Variants in PDLIM5 observed in about 807,000 individuals in gnomAD.
PDLIM5 encodes the protein PDZ and LIM domain protein 5.
A neutral mutation model predicts 64.2 loss-of-function variants in PDLIM5; 34 were observed. The ratio of observed to expected loss-of-function variants is 0.53; its 90% CI spans 0.40 to 0.71. The LOEUF is 0.71. Among genes scored for constraint, PDLIM5 ranks in the 30% least tolerant of loss-of-function variants. The pLI is 0.00. For missense variants in PDLIM5, 683 were observed against 733.6 expected, an observed-to-expected ratio of 0.93 and a Z score of 0.80; for synonymous variants, 253 against 269.1, an observed-to-expected ratio of 0.94 and a Z score of 0.59.
chr4:94,619,900 G>A (rs1410212484), intron 8 of PDLIM5, among the ~76,000 whole-genome samples: 1 of 152,140 alleles, frequency 6.6e-6, no homozygotes, highest in Non-Finnish European at 1.5e-5. Flanking sequence ...TGGGATTACA[G>A]GTGTGAGCTC....
At chr4:94,624,148 A>C (rs1671841488) in intron 8 of PDLIM5, among the ~76,000 whole-genome samples, 1 of 151,372 alleles carries the variant, frequency 6.6e-6, no homozygotes, top group South Asian at 2.1e-4. Flanking sequence ...CCATCTCCAC[A>C]AATTAAAAAA....
At chr4:94,650,929 A>G in intron 9 of PDLIM5, among the ~76,000 whole-genome samples, 1 of 151,762 alleles carries the variant, frequency 6.6e-6, no homozygotes, top group Non-Finnish European at 1.5e-5. Context: ...CTCTCCCTCC[A>G]TTTGTCAGTC....
rs1351386810 is a variant in PDLIM5, at chr4:94,504,293, C to CTT, written c.97-19419_97-19418dup. On this transcript the variant is annotated intron_variant, in intron 2 of 12. Transcript: ENST00000317968. ...CAGAACTTCATGGTTGTGCGACTTT[C>CTT]TTTTTTTTTTTTTGAGACAGAGTGT... is the stretch of plus-strand genomic sequence containing the variant. Among the ~76,000 whole-genome samples, 788 of 143,478 alleles carry CTT rather than the reference C, an allele frequency of 5.5e-3. 5 individuals are homozygous for CTT. Among genetic ancestry groups the CTT allele is most frequent in the African/African-American group, 0.019 (731 of 39,456 alleles). 94.1% of individuals were successfully genotyped at this position (143,478 alleles called of 152,430 possible). A position where few individuals can be genotyped will look rare whatever the true frequency, so the allele number is the denominator to read the frequency against.
intron 2 of PDLIM5, among the ~76,000 whole-genome samples, chr4:94,469,240 CAAAAA>C (rs200813961): frequency 1.3e-5 from 2 of 150,882 alleles, no homozygotes; most frequent in African/African-American, 4.9e-5. Flanking sequence ...AACTCACACA[CAAAAA>C]AAACAAAAAA....
chr4:94,489,382 C>T (rs72876222), intron 2 of PDLIM5, among the ~76,000 whole-genome samples: 2,325 of 152,108 alleles, frequency 0.015, 59 homozygotes, highest in African/African-American at 0.053. Flanking sequence ...TTTGGATAGA[C>T]ACTTGTATTT....
chr4:94,585,245 C>T (rs2110312186), intron 5 of PDLIM5, among the ~76,000 whole-genome samples: 1 of 152,166 alleles, frequency 6.6e-6, no homozygotes, highest in South Asian at 2.1e-4. Flanking sequence ...CACGTGCCAC[C>T]ATTCCCAGCT....
At chr4:94,512,104 T>A (rs1166203097) in intron 2 of PDLIM5, among the ~76,000 whole-genome samples, 1 of 152,092 alleles carries the variant, frequency 6.6e-6, no homozygotes, top group East Asian at 1.9e-4. Flanking sequence ...CACTGCAACG[T>A]CCACCTCCCA....
chr4:94,659,782 C>T (rs1742529924), intron 11 of PDLIM5, among the ~76,000 whole-genome samples: 1 of 151,838 alleles, frequency 6.6e-6, no homozygotes, highest in Admixed American at 6.6e-5. Flanking sequence ...TCCACCTCAG[C>T]CTCCCAAAGT....
chr4:94,455,838 G>C (rs1037833999), intron 2 of PDLIM5: 1 of 1,432,396 alleles, frequency 7.0e-7, no homozygotes, highest in African/African-American at 1.4e-5. Flanking sequence ...TGGTGGAGGT[G>C]ATAGCCAACA....
At position 94,455,322 on chromosome 4, in the gene PDLIM5, G is replaced by T. The variant is rs1216849309; in HGVS notation, c.34G>T (p.Ala12Ser). 6.2e-7 allele frequency: 1 copy of T among 1,613,586 alleles called. No homozygotes were observed. The highest frequency in any genetic ancestry group is 1.1e-5 in the South Asian group (1 of 91,068). ...CTACAGTGTGTCACTGGTTGGCCCA[G>T]CTCCTTGGGGTTTCCGGCTGCAGGG... ...SNYSVSLVGP[A>S]PWGFRLQGGK... Residue 12 changes from alanine to serine, a missense_variant, in exon 2 of 13, where the codon GCT (alanine) becomes TCT (serine). Physicochemically the swap from Ala to Ser is moderately conservative, Grantham distance 99. Transcript: ENST00000317968.
rs375604978 is a variant in PDLIM5, at chr4:94,585,540, A to T, written c.711-25A>T. On this transcript the variant is annotated intron_variant, in intron 5 of 12. Coordinates refer to ENST00000317968, the MANE Select transcript of PDLIM5 (RefSeq NM_006457.5). ...TTTTAATATAACTTTACAATTTTTA[A>T]TTTTTTTTTTCTCCTTAACCCTAGC... 70 of 1,362,436 alleles carry T rather than the reference A, an allele frequency of 5.1e-5. No homozygotes were observed. The African/African-American group carries it at 7.3e-4, about 14-fold the overall frequency. 84.4% of individuals were successfully genotyped at this position (1,362,436 alleles called of 1,614,324 possible).
At chr4:94,645,888 G>A (rs890342878) in intron 9 of PDLIM5, among the ~76,000 whole-genome samples, 1 of 152,146 alleles carries the variant, frequency 6.6e-6, no homozygotes, top group Non-Finnish European at 1.5e-5. Context: ...CTATGGCAGT[G>A]TACTTTTATT....
At chr4:94,532,973 A>G (rs913250970) in intron 3 of PDLIM5, among the ~76,000 whole-genome samples, 7 of 152,248 alleles carry the variant, frequency 4.6e-5, no homozygotes, top group Admixed American at 2.6e-4. Context: ...ACTGCACTCC[A>G]GACTGGGCGA....
At chr4:94,558,064 A>G (rs573056958) in intron 3 of PDLIM5, among the ~76,000 whole-genome samples, 1 of 152,270 alleles carries the variant, frequency 6.6e-6, no homozygotes, top group South Asian at 2.1e-4. Flanking sequence ...AGCTCTTATT[A>G]TTTTGAGATA....
chr4:94,632,277 T>C (rs1277920794), intron 8 of PDLIM5, among the ~76,000 whole-genome samples: 1 of 152,260 alleles, frequency 6.6e-6, no homozygotes, highest in African/African-American at 2.4e-5. Context: ...TTTGCCTCAT[T>C]TCGTGATTCT....
rs1338903860 is a variant in PDLIM5 at position 94,474,101 on chromosome 4, A to T, written c.96+18717A>T. 2.6e-5 allele frequency among the ~76,000 whole-genome samples: 4 copies of T among 152,250 alleles called. No homozygotes were observed. In the East Asian group the frequency reaches 7.7e-4, roughly 29 times the overall value. On this transcript the variant is annotated intron_variant, in intron 2 of 12. Transcript: ENST00000317968. ...ACATGCAGATTATTCTAGGCATATT[A>T]GCATGTTGAATGTTTTAGTTTATTT...
intron 2 of PDLIM5, among the ~76,000 whole-genome samples, chr4:94,517,301 A>G (rs1034900780): frequency 6.6e-6 from 1 of 152,190 alleles, no homozygotes; most frequent in Non-Finnish European, 1.5e-5. Context: ...TCACATAGTC[A>G]CGTTTATGGT....
chr4:94,452,759 C>A (rs1722975742), intron 1 of PDLIM5, among the ~76,000 whole-genome samples: 1 of 152,112 alleles, frequency 6.6e-6, no homozygotes, highest in South Asian at 2.1e-4. Flanking sequence ...GGTGTGATCG[C>A]CAGATCCTAT....
chr4:94,637,964 A>C (rs1740700081), intron 8 of PDLIM5, among the ~76,000 whole-genome samples: 1 of 152,188 alleles, frequency 6.6e-6, no homozygotes. Flanking sequence ...AACATTTTCT[A>C]TGAAACAGTT....
Sources: gnomAD v4.1 joint callset for allele counts (sites outside exome capture counted in the v4.1 genomes callset) on GRCh38, gnomAD v4.1.1 for gene constraint, MANE v1.5 for transcripts, NCBI Gene and HGNC (gene_info 2026-07-23, HGNC 2026-07-21) for gene names.